The following MITF variants were observed in gnomAD, a reference collection of about 807,000 sequenced individuals.
MITF encodes the protein melanocyte inducing transcription factor, also known as microphthalmia-associated transcription factor.
Under a neutral mutation model 60.5 loss-of-function variants are expected in MITF, and 17 were observed. The ratio of observed to expected loss-of-function variants is 0.28; its 90% CI spans 0.19 to 0.42. The LOEUF (loss-of-function observed/expected upper bound fraction) is 0.42, where lower values mean the gene tolerates loss of function less well. Ranked by LOEUF, MITF falls within the 10% of genes least tolerant of loss-of-function variation. The pLI, the probability that MITF is intolerant of heterozygous loss-of-function variation, is 1.00. For missense variants in MITF, 622 were observed against 683.5 expected, an observed-to-expected ratio of 0.91 and a Z score of 1.00; for synonymous variants, 260 against 248.5, an observed-to-expected ratio of 1.05 and a Z score of -0.43.
rs539439309 is a variant in MITF at position 69,875,333 on chromosome 3, C to T, written c.105-3801C>T. ...TTCTGATGGTGAGATGCCCACCTTC[C>T]CATGTGGGACTTGATCAGAGTTCCG... On this transcript the variant is annotated intron_variant, in intron 1 of 9. Transcript: ENST00000352241. Among the ~76,000 whole-genome samples, 660 of 152,262 alleles carry T rather than the reference C, an allele frequency of 4.3e-3. 5 individuals carry two copies. The highest frequency in any genetic ancestry group is 0.014 in the African/African-American group (567 of 41,536).
At chr3:69,898,351 A>G (rs1306250851) in intron 2 of MITF, among the ~76,000 whole-genome samples, 1 of 152,236 alleles carries the variant, frequency 6.6e-6, no homozygotes, top group Non-Finnish European at 1.5e-5. Flanking sequence ...TGGAGGAGCA[A>G]CAGCAAAGGG....
At chr3:69,803,190 A>G (rs2062950803) in intron 1 of MITF, among the ~76,000 whole-genome samples, 1 of 152,224 alleles carries the variant, frequency 6.6e-6, no homozygotes, top group African/African-American at 2.4e-5. Flanking sequence ...TCAGTATACA[A>G]AAGTCCAGTT....
intron 5 of MITF, among the ~76,000 whole-genome samples, chr3:69,941,652 A>C (rs1306115461): frequency 1.3e-5 from 2 of 152,154 alleles, no homozygotes; most frequent in Non-Finnish European, 2.9e-5. Flanking sequence ...ACCATTGTGA[A>C]CTGCACTATT....
chr3:69,764,126 C>T (rs1237712598), intron 1 of MITF, among the ~76,000 whole-genome samples: 3 of 152,132 alleles, frequency 2.0e-5, no homozygotes, highest in Admixed American at 2.0e-4. Context: ...TTCAGAAGTT[C>T]CACTGGATCA....
intron 1 of MITF, among the ~76,000 whole-genome samples, chr3:69,795,176 TGA>T: frequency 6.6e-6 from 1 of 152,236 alleles, no homozygotes; most frequent in South Asian, 2.1e-4. Flanking sequence ...TTAAATGTTT[TGA>T]TGCTGTTGTA....
At chr3:69,785,030 G>T (rs2062625408) in intron 1 of MITF, among the ~76,000 whole-genome samples, 1 of 145,132 alleles carries the variant, frequency 6.9e-6, no homozygotes, top group African/African-American at 2.5e-5. Flanking sequence ...AAGTGCTGCA[G>T]TTGGATTTTT....
chr3:69,908,143 G>A (rs1343822423), intron 2 of MITF, among the ~76,000 whole-genome samples: 1 of 152,140 alleles, frequency 6.6e-6, no homozygotes. Context: ...GAAGGATACA[G>A]AAATGTTCTC....
intron 1 of MITF, among the ~76,000 whole-genome samples, chr3:69,783,487 G>GATATAT (rs149413358): frequency 3.4e-5 from 5 of 145,792 alleles, no homozygotes; most frequent in African/African-American, 1.0e-4. Context: ...TGATATGTAG[G>GATATAT]ATATATATAT....
At chr3:69,816,648 G>A (rs1191139333) in intron 1 of MITF, among the ~76,000 whole-genome samples, 1 of 152,126 alleles carries the variant, frequency 6.6e-6, no homozygotes, top group African/African-American at 2.4e-5. Flanking sequence ...TTGATCTTTG[G>A]CAATTAGTTA....
At chr3:69,819,760 C>T (rs531987744) in intron 1 of MITF, among the ~76,000 whole-genome samples, 1 of 152,044 alleles carries the variant, frequency 6.6e-6, no homozygotes, top group South Asian at 2.1e-4. Context: ...TCAGGAGTTC[C>T]AGACCAGCCT....
rs143715979 is a variant in MITF, at chr3:69,774,346, T to C, written c.104+34645T>C. ...GTCTTTTATTATTCAAGAATGTCCT[T>C]TGGACATCTTAATCTTCTCCCTTCC... On this transcript the variant is annotated intron_variant, in intron 1 of 9. Transcript: ENST00000352241. 8.3e-3 allele frequency among the ~76,000 whole-genome samples: 1,271 copies of C among 152,296 alleles called. 57 individuals are homozygous for C. Among genetic ancestry groups the C allele is most frequent in the Admixed American group, 0.076 (1,163 of 15,298 alleles).
intron 1 of MITF, among the ~76,000 whole-genome samples, chr3:69,827,248 G>C (rs2063370380): frequency 6.6e-6 from 1 of 152,158 alleles, no homozygotes; most frequent in Non-Finnish European, 1.5e-5. Flanking sequence ...CAGACACTGT[G>C]GTGCAGGCTT....
chr3:69,967,029 A>G lies in MITF; in HGVS notation c.*1781A>G, dbSNP rs754784004. The G allele has an allele frequency of 3.8e-4, 89 of 232,160 alleles. No homozygotes were observed. Among genetic ancestry groups the G allele is most frequent in the Non-Finnish European group, 6.5e-4 (76 of 117,176 alleles). The allele number at this position is 232,160 out of a possible 1,614,324, so 14.4% of individuals were successfully genotyped here. A position where few individuals can be genotyped will look rare whatever the true frequency, so the allele number is the denominator to read the frequency against. ...TAGTGACAGAGTGCCAACTTCTTTC[A>G]TCAGGAAACCTTATTCAGGAGGGTT... On this transcript the variant is annotated 3_prime_UTR_variant, in exon 10 of 10. Coordinates refer to ENST00000352241, the MANE Select transcript of MITF (RefSeq NM_001354604.2).
chr3:69,870,085 T>C (rs1383080244), intron 1 of MITF, among the ~76,000 whole-genome samples: 1 of 151,890 alleles, frequency 6.6e-6, no homozygotes, highest in Non-Finnish European at 1.5e-5. Flanking sequence ...GAGATGTATA[T>C]ATTTGATCTT....
intron 2 of MITF, among the ~76,000 whole-genome samples, chr3:69,929,704 C>CA (rs913090267): frequency 7.9e-5 from 12 of 151,734 alleles, no homozygotes; most frequent in African/African-American, 1.2e-4. Flanking sequence ...CTGACAATAT[C>CA]ACAAGATCCC....
chr3:69,875,063 C>G (rs2064322732), intron 1 of MITF, among the ~76,000 whole-genome samples: 1 of 152,106 alleles, frequency 6.6e-6, no homozygotes, highest in Non-Finnish European at 1.5e-5. Context: ...ATTAACTGAC[C>G]CAATCCCTGC....
intron 1 of MITF, among the ~76,000 whole-genome samples, chr3:69,833,913 TG>T (rs1301245845): frequency 6.6e-6 from 1 of 152,248 alleles, no homozygotes; most frequent in Admixed American, 6.5e-5. Context: ...GCAGTAGCCA[TG>T]CCTCTTTCAT....
intron 1 of MITF, among the ~76,000 whole-genome samples, chr3:69,819,248 G>T (rs934449427): frequency 2.6e-5 from 4 of 152,152 alleles, no homozygotes; most frequent in African/African-American, 9.7e-5. Context: ...TCCTAAAAAA[G>T]ATTCAGCTTT....
chr3:69,964,483 C>T (rs1278911467), intron 9 of MITF, among the ~76,000 whole-genome samples: 1 of 133,686 alleles, frequency 7.5e-6, no homozygotes, highest in African/African-American at 2.9e-5. Flanking sequence ...TATTGTTTTC[C>T]AAGTATCTGA....
Sources: allele counts gnomAD v4.1 joint callset (sites outside exome capture counted in the v4.1 genomes callset), GRCh38; gene constraint gnomAD v4.1.1; transcripts MANE v1.5; gene names NCBI Gene and HGNC (gene_info 2026-07-23, HGNC 2026-07-21).